The following SGIP1 variants were observed in gnomAD, a reference collection of about 807,000 sequenced individuals.
SGIP1 encodes the protein SH3GL interacting endocytic adaptor 1.
SGIP1 carries 38 observed loss-of-function variants against 107.5 expected under a neutral mutation model. That is an observed-to-expected ratio of 0.35 (90% CI 0.27 to 0.46). SGIP1 has a LOEUF of 0.46. SGIP1 is among the 20% of genes least tolerant of loss of function. SGIP1 has a pLI of 1.00. For missense variants in SGIP1, 929 were observed against 1,019.5 expected (o/e 0.91, Z 1.21); for synonymous variants, 365 against 366.1 (o/e 1.00, Z 0.03).
At chr1:66,561,624 T>C (rs1313092119) in intron 1 of SGIP1, among the ~76,000 whole-genome samples, 1 of 152,078 alleles carries the variant, frequency 6.6e-6, no homozygotes, top group African/African-American at 2.4e-5. Context: ...ACCTGCTTTA[T>C]AGAAGCTTGC....
chr1:66,554,832 C>T (rs1374726562), intron 1 of SGIP1, among the ~76,000 whole-genome samples: 1 of 152,058 alleles, frequency 6.6e-6, no homozygotes, highest in African/African-American at 2.4e-5. Context: ...TTGGAAATAT[C>T]GTTCCAACTT....
At chr1:66,565,464 A>G (rs2059513228) in intron 1 of SGIP1, among the ~76,000 whole-genome samples, 1 of 152,026 alleles carries the variant, frequency 6.6e-6, no homozygotes, top group Non-Finnish European at 1.5e-5. Flanking sequence ...GGTAAGGGGC[A>G]TAAAAAGGAT....
chr1:66,598,921 G>A (rs1421229912), intron 1 of SGIP1, among the ~76,000 whole-genome samples: 3 of 152,266 alleles, frequency 2.0e-5, no homozygotes, highest in Non-Finnish European at 4.4e-5. Context: ...TTGCAAAGCC[G>A]AGTTTTAGAG....
At chr1:66,669,919 C>G (rs1229629605) in intron 9 of SGIP1, among the ~76,000 whole-genome samples, 1 of 152,132 alleles carries the variant, frequency 6.6e-6, no homozygotes, top group Non-Finnish European at 1.5e-5. Flanking sequence ...TAAACCTTGT[C>G]CTAAGCTGTT....
intron 1 of SGIP1, among the ~76,000 whole-genome samples, chr1:66,535,305 A>G (rs1275457457): frequency 6.6e-6 from 1 of 152,196 alleles, no homozygotes; most frequent in Admixed American, 6.5e-5. Flanking sequence ...CTTTCCTAAG[A>G]TGACAGGCAG....
chr1:66,663,880 G>C (rs1557522818), intron 8 of SGIP1, among the ~76,000 whole-genome samples: 2 of 152,128 alleles, frequency 1.3e-5, no homozygotes, highest in African/African-American at 4.8e-5. Flanking sequence ...TTGAAAAAGT[G>C]TTCTGTATAA....
intron 1 of SGIP1, among the ~76,000 whole-genome samples, chr1:66,612,014 GT>G (rs1157661873): frequency 1.5e-5 from 2 of 134,778 alleles, no homozygotes; most frequent in Non-Finnish European, 3.2e-5. Flanking sequence ...CTGAGACTGG[GT>G]AGTTTAGAAA....
chr1:66,724,127 G>T (rs1283399509), intron 19 of SGIP1, among the ~76,000 whole-genome samples: 1 of 152,150 alleles, frequency 6.6e-6, no homozygotes, highest in Admixed American at 6.5e-5. Flanking sequence ...TATTTTATGA[G>T]AGAGATGCAT....
chr1:66,676,241 A>G (rs943607482), intron 12 of SGIP1, among the ~76,000 whole-genome samples: 2 of 152,164 alleles, frequency 1.3e-5, no homozygotes, highest in African/African-American at 4.8e-5. Flanking sequence ...ACCACATCCA[A>G]CTGACTTCCC....
chr1:66,626,002 G>A (rs749264869), intron 2 of SGIP1, 92 bp downstream of exon 2: 42 of 911,612 alleles, frequency 4.6e-5, no homozygotes, highest in East Asian at 1.0e-4. Context: ...CAGTTTTCTC[G>A]GATATTGTGT....
intron 19 of SGIP1, among the ~76,000 whole-genome samples, chr1:66,721,488 A>C (rs2093530370): frequency 6.6e-6 from 1 of 152,164 alleles, no homozygotes; most frequent in African/African-American, 2.4e-5. Flanking sequence ...AGCTCACTGC[A>C]GCCTCAACCT....
intron 1 of SGIP1, among the ~76,000 whole-genome samples, chr1:66,538,747 T>C (rs2054194712): frequency 1.3e-5 from 2 of 152,218 alleles, no homozygotes; most frequent in South Asian, 4.1e-4. Context: ...CTAGCTAACA[T>C]GCAAATATTT....
chr1:66,577,450 T>A (rs2061224428), intron 1 of SGIP1, among the ~76,000 whole-genome samples: 1 of 152,242 alleles, frequency 6.6e-6, no homozygotes, highest in African/African-American at 2.4e-5. Flanking sequence ...AATCTAACCC[T>A]GATGCTTAAC....
intron 7 of SGIP1, among the ~76,000 whole-genome samples, chr1:66,655,191 C>T (rs1378329921): frequency 6.6e-6 from 1 of 152,042 alleles, no homozygotes; most frequent in Admixed American, 6.6e-5. Context: ...CGGTGGTCTT[C>T]AAGAGCCTCA....
At position 66,695,857 on chromosome 1, in the gene SGIP1, A is replaced by G. The variant is rs543151844; in HGVS notation, c.1630+364A>G. Among the ~76,000 whole-genome samples, 9 of 152,378 alleles carry G rather than the reference A, an allele frequency of 5.9e-5. 1 individual carries two copies. Among genetic ancestry groups the G allele is most frequent in the East Asian group, 3.9e-4 (2 of 5,194 alleles). ...CTTTTGCAAATGCAGTGCAACAAAT[A>G]TAAGGACATTTTTGGTTGGTATTGG... On this transcript the variant is annotated intron_variant, in intron 18 of 24. Coordinates refer to ENST00000371037, the MANE Select transcript of SGIP1 (RefSeq NM_032291.4).
rs150506308 is a variant in SGIP1 at position 66,615,493 on chromosome 1, G to C, written c.11-10354G>C. ...TAACTTGAACGATTAAATGATACAT[G>C]TAGTAAGAATTTATAGATTTTACCA... On this transcript the variant is annotated intron_variant, in intron 1 of 24. Transcript: ENST00000371037. 8.7e-4 allele frequency among the ~76,000 whole-genome samples: 133 copies of C among 152,296 alleles called. 1 individual carries two copies. The highest frequency in any genetic ancestry group is 2.7e-3 in the African/African-American group (113 of 41,560).
intron 8 of SGIP1, among the ~76,000 whole-genome samples, chr1:66,661,758 T>C (rs2081526671): frequency 6.6e-6 from 1 of 152,046 alleles, no homozygotes; most frequent in South Asian, 2.1e-4. Context: ...ACCTCAAATA[T>C]CCACAGGACT....
intron 9 of SGIP1, among the ~76,000 whole-genome samples, chr1:66,668,149 G>C (rs1009454629): frequency 1.3e-5 from 2 of 152,018 alleles, no homozygotes; most frequent in Admixed American, 6.5e-5. Context: ...AATTTGCATT[G>C]TTCAAAGTGA....
intron 1 of SGIP1, among the ~76,000 whole-genome samples, chr1:66,555,990 G>A (rs1260182344): frequency 6.6e-6 from 1 of 152,112 alleles, no homozygotes; most frequent in Non-Finnish European, 1.5e-5. Flanking sequence ...CTACAGATGT[G>A]CAATCATTAG....
Sources: gnomAD v4.1 joint callset for allele counts (sites outside exome capture counted in the v4.1 genomes callset) on GRCh38, gnomAD v4.1.1 for gene constraint, MANE v1.5 for transcripts, NCBI Gene and HGNC (gene_info 2026-07-23, HGNC 2026-07-21) for gene names.